The following IGF2BP3 variants were observed in gnomAD, a reference collection of about 807,000 sequenced individuals.
The protein encoded by IGF2BP3 is insulin like growth factor 2 mRNA binding protein 3.
IGF2BP3 carries 9 observed loss-of-function variants against 73.8 expected under a neutral mutation model. The observed-to-expected ratio is 0.12, with a 90% CI of 0.07 to 0.21. The LOEUF (loss-of-function observed/expected upper bound fraction) is 0.21, where lower values mean the gene tolerates loss of function less well. Among genes scored for constraint, IGF2BP3 ranks in the 10% least tolerant of loss-of-function variants. The pLI, the probability that IGF2BP3 is intolerant of heterozygous loss-of-function variation, is 1.00. For synonymous variants in IGF2BP3, 258 were observed against 256.7 expected, an observed-to-expected ratio of 1.01 and a Z score of -0.05; for missense variants, 542 against 714.0, an observed-to-expected ratio of 0.76 and a Z score of 2.75.
In IGF2BP3 at chr7:23,321,161, T is replaced by C. The variant is rs566606665; in HGVS notation, c.1204-1907A>G. On this transcript the variant is annotated intron_variant, in intron 10 of 14. Transcript: ENST00000258729. ...ATTTCTGCATTTCCATCTGAGGTACTGGGTTCATCTCACTAGGGAGTGCCA... is the reference window on the plus strand; with the variant it reads ...ATTTCTGCATTTCCATCTGAGGTACCGGGTTCATCTCACTAGGGAGTGCCA... 7.9e-5 allele frequency among the ~76,000 whole-genome samples: 12 copies of C among 152,208 alleles called. 1 individual carries two copies. The highest frequency in any genetic ancestry group is 2.4e-4 in the African/African-American group (10 of 41,524).
chr7:23,331,647 G>T (rs1404988495), intron 10 of IGF2BP3, among the ~76,000 whole-genome samples: 2 of 152,128 alleles, frequency 1.3e-5, no homozygotes, highest in African/African-American at 4.8e-5. Context: ...ATCACCTGAG[G>T]TCAGGAGTTC....
chr7:23,445,311 T>C (rs1788033717), intron 2 of IGF2BP3, among the ~76,000 whole-genome samples: 1 of 152,204 alleles, frequency 6.6e-6, no homozygotes, highest in African/African-American at 2.4e-5. Context: ...ACTTAGTTCC[T>C]GTGGGTGTTT....
At chr7:23,382,410 TAA>T (rs1785941778) in intron 3 of IGF2BP3, among the ~76,000 whole-genome samples, 1 of 151,936 alleles carries the variant, frequency 6.6e-6, no homozygotes, top group Non-Finnish European at 1.5e-5. Flanking sequence ...TTTTCCAAGA[TAA>T]AGTTTCCTAG....
At chr7:23,323,520 A>C (rs1017610465) in intron 10 of IGF2BP3, among the ~76,000 whole-genome samples, 4 of 147,270 alleles carry the variant, frequency 2.7e-5, no homozygotes, top group East Asian at 2.0e-4. Flanking sequence ...ACGAGACAGA[A>C]AGTCAACAAG....
intron 3 of IGF2BP3, among the ~76,000 whole-genome samples, chr7:23,410,303 G>A (rs532578814): frequency 6.6e-6 from 1 of 152,278 alleles, no homozygotes; most frequent in Non-Finnish European, 1.5e-5. Flanking sequence ...GCTGCAGTGA[G>A]CTGTGATTGT....
At chr7:23,442,928 G>GA (rs1214241166) in intron 2 of IGF2BP3, among the ~76,000 whole-genome samples, 2 of 151,978 alleles carry the variant, frequency 1.3e-5, no homozygotes, top group Non-Finnish European at 2.9e-5. Context: ...CAGGTAACTA[G>GA]AATTTTATGT....
Position 23,342,153 on chromosome 7 carries a change from C to T in IGF2BP3, c.1114G>A (p.Ala372Thr), listed in dbSNP as rs373913315. The stretch of plus-strand genomic sequence containing the variant: ...GAAGTGGGTGGGAACAGACCCAAGG[C>T]GTTCAGATTTAATCCAGGAATTAAA... ...AHLIPGLNLN[A>T]LGLFPPTSGM... Residue 372 changes from alanine to threonine, a missense_variant, in exon 10 of 15, where the codon GCC becomes ACC. Physicochemically the swap from Ala to Thr is moderately conservative, Grantham distance 58. This residue lies in a region of IGF2BP3 where 303 missense variants were observed against 472.1 expected (regional missense o/e 0.64). Coordinates refer to ENST00000258729, the MANE Select transcript of IGF2BP3 (RefSeq NM_006547.3). 27 of 1,613,522 alleles carry T rather than the reference C, an allele frequency of 1.7e-5. No homozygotes were observed. Among genetic ancestry groups the T allele is most frequent in the East Asian group, 2.2e-5 (1 of 44,864 alleles).
At chr7:23,374,888 T>G (rs1785669089) in intron 3 of IGF2BP3, among the ~76,000 whole-genome samples, 1 of 152,136 alleles carries the variant, frequency 6.6e-6, no homozygotes, top group Non-Finnish European at 1.5e-5. Flanking sequence ...GCAGGTTCCG[T>G]GATAAATGTC....
chr7:23,459,458 G>A (rs1788393405), intron 2 of IGF2BP3, among the ~76,000 whole-genome samples: 1 of 152,148 alleles, frequency 6.6e-6, no homozygotes, highest in South Asian at 2.1e-4. Context: ...TTTAAACCTG[G>A]CTCATGATAT....
intron 3 of IGF2BP3, among the ~76,000 whole-genome samples, chr7:23,407,952 GCGGGGGGCGGGGGGGGGGGGA>G (rs1786893613): frequency 1.3e-5 from 1 of 78,658 alleles, no homozygotes; most frequent in African/African-American, 5.0e-5. Context: ...GGGGCAGGGG[GCGGGGGGCGGGGGGGGGGGGA>G]GTCAATGTAA....
chr7:23,374,456 A>G (rs915973005), intron 3 of IGF2BP3, among the ~76,000 whole-genome samples: 3 of 152,090 alleles, frequency 2.0e-5, no homozygotes, highest in Non-Finnish European at 2.9e-5. Context: ...GCAAGGGATC[A>G]ATTGAGGCCA....
chr7:23,328,493 C>T (rs928375252), intron 10 of IGF2BP3, among the ~76,000 whole-genome samples: 1 of 152,144 alleles, frequency 6.6e-6, no homozygotes, highest in Non-Finnish European at 1.5e-5. Flanking sequence ...CAACTTTAAG[C>T]CTTTGGTTTC....
intron 10 of IGF2BP3, among the ~76,000 whole-genome samples, chr7:23,326,410 G>A (rs1784297295): frequency 6.6e-6 from 1 of 151,926 alleles, no homozygotes; most frequent in Non-Finnish European, 1.5e-5. Context: ...TAAAAAGTCA[G>A]GAAACAACAG....
At chr7:23,444,259 C>A (rs533724017) in intron 2 of IGF2BP3, among the ~76,000 whole-genome samples, 8 of 152,022 alleles carry the variant, frequency 5.3e-5, no homozygotes, top group Admixed American at 2.6e-4. Flanking sequence ...TTAACAAGTA[C>A]AATAATGAAA....
At chr7:23,330,090 G>C (rs1248730240) in intron 10 of IGF2BP3, among the ~76,000 whole-genome samples, 3 of 151,944 alleles carry the variant, frequency 2.0e-5, no homozygotes, top group African/African-American at 7.3e-5. Context: ...TTCGACACCA[G>C]CCTGGCCAAC....
At chr7:23,332,826 G>A (rs748664077) in intron 10 of IGF2BP3, among the ~76,000 whole-genome samples, 2 of 151,946 alleles carry the variant, frequency 1.3e-5, no homozygotes, top group Non-Finnish European at 2.9e-5. Context: ...CATCATTCTG[G>A]TCCTTGTATC....
At position 23,468,500 on chromosome 7, in the gene IGF2BP3, G is replaced by A; in HGVS notation, c.218C>T (p.Ser73Leu). The change falls in exon 2 of 15, where the codon TCG (serine) becomes TTG (leucine). Residue 73 changes from serine to leucine, a missense_variant. Ser to Leu is a moderately radical substitution (Grantham distance 145). Around this residue, in one of 2 missense-constraint regions of IGF2BP3, gnomAD observed 239 missense variants for 241.9 expected, o/e 0.99. Coordinates refer to ENST00000258729, the MANE Select transcript of IGF2BP3 (RefSeq NM_006547.3). Reference sequence around the variant, plus strand: ...AGCTCACCTTTGCCTTTTTGGGACCGAGTGCTCAACTTCTATGGGTTTCCC... The same window carrying A: ...AGCTCACCTTTGCCTTTTTGGGACCAAGTGCTCAACTTCTATGGGTTTCCC... ...LHGKPIEVEHSVPKRQRIRKL... is the reference protein window; with the variant it reads ...LHGKPIEVEHLVPKRQRIRKL... The A allele has an allele frequency of 6.2e-7, 1 of 1,614,222 alleles. No individual in the cohort carries two copies. The highest frequency in any genetic ancestry group is 8.5e-7 in the Non-Finnish European group (1 of 1,180,024).
chr7:23,431,920 T>C (rs994353970), intron 2 of IGF2BP3, among the ~76,000 whole-genome samples: 1 of 152,216 alleles, frequency 6.6e-6, no homozygotes, highest in South Asian at 2.1e-4. Flanking sequence ...TTACTTGTTT[T>C]ATTCACTGTT....
chr7:23,372,376 G>A (rs546632463), intron 3 of IGF2BP3, among the ~76,000 whole-genome samples: 6 of 152,176 alleles, frequency 3.9e-5, no homozygotes, highest in South Asian at 4.2e-4. Flanking sequence ...TCTGGCTTAC[G>A]TGAATAAGTT....
Sources: allele counts gnomAD v4.1 joint callset (sites outside exome capture counted in the v4.1 genomes callset), GRCh38; gene constraint gnomAD v4.1.1; regional missense constraint gnomAD v4.1.1; transcripts MANE v1.5; gene names NCBI Gene and HGNC (gene_info 2026-07-23, HGNC 2026-07-21).